PSD3: variants seen among roughly 807,000 people sequenced by gnomAD.
The protein encoded by PSD3 is PH and SEC7 domain-containing protein 3.
PSD3 carries 49 observed loss-of-function variants against 105.5 expected under a neutral mutation model. That is an observed-to-expected ratio of 0.46 (90% CI 0.37 to 0.59). The LOEUF is 0.59. Among genes scored for constraint, PSD3 ranks in the 20% least tolerant of loss-of-function variants. The probability of loss-of-function intolerance (pLI) is 0.00; values close to 1 mark genes in which losing one functional copy is unlikely to be tolerated. For synonymous variants in PSD3, 557 were observed against 457.8 expected, an observed-to-expected ratio of 1.22 and a Z score of -2.77; for missense variants, 1,561 against 1,263.8, an observed-to-expected ratio of 1.24 and a Z score of -3.57.
intron 8 of PSD3, among the ~76,000 whole-genome samples, chr8:18,778,986 A>T (rs1242884566): frequency 6.6e-6 from 1 of 152,100 alleles, no homozygotes; most frequent in Non-Finnish European, 1.5e-5. Flanking sequence ...CTAGGAAAAA[A>T]TCCCTCCTCT....
intron 2 of PSD3, among the ~76,000 whole-genome samples, chr8:18,892,026 AG>A (rs1818816399): frequency 6.6e-6 from 1 of 152,204 alleles, no homozygotes; most frequent in African/African-American, 2.4e-5. Flanking sequence ...AGTTTACAAA[AG>A]GGGCATTTAG....
At chr8:18,791,561 C>T (rs577410059) in intron 8 of PSD3, among the ~76,000 whole-genome samples, 98 of 151,788 alleles carry the variant, frequency 6.5e-4, no homozygotes, top group African/African-American at 2.2e-3. Flanking sequence ...TTCCTTACAC[C>T]ATATACAAAA....
chr8:18,566,789 C>T (rs902890365), intron 14 of PSD3, among the ~76,000 whole-genome samples: 1 of 152,046 alleles, frequency 6.6e-6, no homozygotes, highest in African/African-American at 2.4e-5. Context: ...ACTACATATG[C>T]ATGTTTTTGC....
chr8:18,947,317 C>A (rs1209757973), intron 1 of PSD3, among the ~76,000 whole-genome samples: 1 of 152,222 alleles, frequency 6.6e-6, no homozygotes, highest in Non-Finnish European at 1.5e-5. Flanking sequence ...AAAAAGCAAG[C>A]CTCGGTCCTC....
intron 9 of PSD3, among the ~76,000 whole-genome samples, chr8:18,718,963 A>C (rs777271716): frequency 2.0e-5 from 3 of 152,224 alleles, no homozygotes; most frequent in Admixed American, 6.5e-5. Flanking sequence ...TGCTACAATT[A>C]TCTGTGGAGC....
intron 4 of PSD3, among the ~76,000 whole-genome samples, chr8:18,845,509 T>C (rs1815011604): frequency 6.6e-6 from 1 of 152,192 alleles, no homozygotes; most frequent in African/African-American, 2.4e-5. Flanking sequence ...GAGAGTGCTC[T>C]GGGGCGGCCC....
chr8:18,902,597 G>C (rs1157381257), intron 2 of PSD3, among the ~76,000 whole-genome samples: 1 of 152,150 alleles, frequency 6.6e-6, no homozygotes, highest in African/African-American at 2.4e-5. Context: ...CTGTGTGGCA[G>C]ATATCTGTGT....
intron 9 of PSD3, among the ~76,000 whole-genome samples, chr8:18,688,428 T>A (rs1476719383): frequency 2.0e-5 from 3 of 152,200 alleles, no homozygotes; most frequent in Non-Finnish European, 2.9e-5. Flanking sequence ...TTAACCCTTA[T>A]CAAAATCCTG....
chr8:18,682,062 T>A (rs1800420339), intron 9 of PSD3, among the ~76,000 whole-genome samples: 1 of 151,246 alleles, frequency 6.6e-6, no homozygotes, highest in African/African-American at 2.4e-5. Context: ...CAAGTAAAAG[T>A]ACCTGTACTG....
intron 1 of PSD3, among the ~76,000 whole-genome samples, chr8:19,074,603 ATATATATATTTTTTT>A (rs1563546515): frequency 0.011 from 655 of 58,958 alleles, 49 homozygotes; most frequent in Admixed American, 0.065. Context: ...ATATATATAT[ATATATATATTTTTTT>A]TTTTTTTTTT....
At chr8:19,083,762 C>T (rs529175394) in intron 1 of PSD3, among the ~76,000 whole-genome samples, 1 of 152,250 alleles carries the variant, frequency 6.6e-6, no homozygotes, top group South Asian at 2.1e-4. Flanking sequence ...AGGATGTTTG[C>T]CCAGTCACAT....
chr8:18,780,675 T>C (rs1263082943), intron 8 of PSD3, among the ~76,000 whole-genome samples: 5 of 152,114 alleles, frequency 3.3e-5, no homozygotes, highest in African/African-American at 1.2e-4. Context: ...TACCTCAGCC[T>C]CCTGAGTAGC....
At chr8:18,709,843 C>A (rs1415907621) in intron 9 of PSD3, among the ~76,000 whole-genome samples, 1 of 152,146 alleles carries the variant, frequency 6.6e-6, no homozygotes, top group Non-Finnish European at 1.5e-5. Context: ...CAAAGGCCAG[C>A]AGCCTCAAAG....
At chr8:19,057,454 G>A (rs376220975) in intron 1 of PSD3, among the ~76,000 whole-genome samples, 33 of 152,228 alleles carry the variant, frequency 2.2e-4, no homozygotes, top group African/African-American at 6.3e-4. Context: ...CTCTGGTCAC[G>A]CCTTCTGTGT....
At chr8:18,778,680 C>CT (rs1037177912) in intron 8 of PSD3, among the ~76,000 whole-genome samples, 20 of 151,252 alleles carry the variant, frequency 1.3e-4, no homozygotes, top group East Asian at 1.9e-4. Flanking sequence ...TTATGAAACC[C>CT]TTTTTTTGCA....
At chr8:18,930,055 C>G (rs1287675578) in intron 2 of PSD3, among the ~76,000 whole-genome samples, 1 of 152,130 alleles carries the variant, frequency 6.6e-6, no homozygotes, top group Non-Finnish European at 1.5e-5. Flanking sequence ...CTAATAGGAA[C>G]TGCAGAAGTA....
intron 2 of PSD3, among the ~76,000 whole-genome samples, chr8:18,911,437 G>C (rs1038865695): frequency 6.6e-6 from 1 of 152,060 alleles, no homozygotes; most frequent in Admixed American, 6.6e-5. Context: ...ATGCTTGACT[G>C]GGCATGGCAG....
intron 1 of PSD3, among the ~76,000 whole-genome samples, chr8:19,050,853 G>T (rs1023665457): frequency 5.3e-5 from 8 of 152,122 alleles, no homozygotes; most frequent in African/African-American, 1.9e-4. Flanking sequence ...TACAGAAAAA[G>T]ATAAGGAATT....
intron 1 of PSD3, among the ~76,000 whole-genome samples, chr8:19,049,508 A>G (rs957888691): frequency 6.6e-6 from 1 of 151,986 alleles, no homozygotes; most frequent in African/African-American, 2.4e-5. Flanking sequence ...CAGACAACAT[A>G]GCAAGACCCT....
Sources: allele counts gnomAD v4.1 joint callset (sites outside exome capture counted in the v4.1 genomes callset), GRCh38; gene constraint gnomAD v4.1.1; transcripts MANE v1.5; gene names NCBI Gene and HGNC (gene_info 2026-07-23, HGNC 2026-07-21).